Variants in DGKH observed in about 807,000 individuals in gnomAD.
The protein encoded by DGKH is diacylglycerol kinase eta.
A neutral mutation model predicts 159.3 loss-of-function variants in DGKH; 90 were observed. The ratio of observed to expected loss-of-function variants is 0.57; its 90% CI spans 0.48 to 0.67. The LOEUF (loss-of-function observed/expected upper bound fraction) is 0.67. DGKH is among the 30% of genes least tolerant of loss of function. The pLI is 0.00. For missense variants in DGKH, 1,181 were observed against 1,506.1 expected (o/e 0.78, Z 3.57); for synonymous variants, 536 against 553.8 (o/e 0.97, Z 0.45).
chr13:42,245,750 T>A (rs1958576178), downstream of DGKH, among the ~76,000 whole-genome samples: 1 of 152,006 alleles, frequency 6.6e-6, no homozygotes, highest in South Asian at 2.1e-4. Context: ...CACACCTGGC[T>A]AATTTTTTAA....
At chr13:42,193,430 C>T (rs1278160453) in intron 16 of DGKH, among the ~76,000 whole-genome samples, 7 of 152,248 alleles carry the variant, frequency 4.6e-5, no homozygotes, top group African/African-American at 1.4e-4. Context: ...AGTAATCTAA[C>T]TTGTTGGAAA....
At chr13:42,109,650 GCC>G (rs373869729) in intron 1 of DGKH, among the ~76,000 whole-genome samples, 1,657 of 40,536 alleles carry the variant, frequency 0.041, 15 homozygotes, top group African/African-American at 0.11. Flanking sequence ...GTGCGTGCGT[GCC>G]TGTGCGTGCG....
intron 2 of DGKH, 146 bp downstream of exon 2, chr13:42,127,719 C>A: frequency 1.6e-6 from 1 of 627,026 alleles, no homozygotes. Flanking sequence ...ATCGGTGACC[C>A]CATCCCAAGC....
At chr13:42,121,701 C>T (rs1223157724) in intron 1 of DGKH, among the ~76,000 whole-genome samples, 1 of 152,218 alleles carries the variant, frequency 6.6e-6, no homozygotes, top group Non-Finnish European at 1.5e-5. Context: ...TATTAGGCAA[C>T]TGGTATCCTT....
chr13:42,069,709 T>G, intron 1 of DGKH: 1 of 1,130,714 alleles, frequency 8.8e-7, no homozygotes, highest in Non-Finnish European at 1.3e-6. Flanking sequence ...GTTAACTTCA[T>G]TCTCTCTCCA....
At chr13:42,164,311 T>G (rs1312038651) in intron 7 of DGKH, among the ~76,000 whole-genome samples, 2 of 152,216 alleles carry the variant, frequency 1.3e-5, no homozygotes, top group Non-Finnish European at 2.9e-5. Flanking sequence ...TCTGTTTTGC[T>G]CCATGGTTCT....
intron 1 of DGKH, among the ~76,000 whole-genome samples, chr13:42,117,000 A>G (rs1409643826): frequency 6.6e-6 from 1 of 152,180 alleles, no homozygotes; most frequent in East Asian, 1.9e-4. Flanking sequence ...TGGAGTCTAT[A>G]TGGCTTTACT....
intron 1 of DGKH, among the ~76,000 whole-genome samples, chr13:42,118,111 G>A (rs1006849880): frequency 1.3e-5 from 2 of 152,076 alleles, no homozygotes; most frequent in Non-Finnish European, 2.9e-5. Flanking sequence ...CAGCTACTCG[G>A]GAGGCTGAGG....
At chr13:42,156,977 A>G (rs996329375) in intron 5 of DGKH, among the ~76,000 whole-genome samples, 12 of 152,222 alleles carry the variant, frequency 7.9e-5, no homozygotes, top group Non-Finnish European at 1.8e-4. Context: ...TGCCTCATAG[A>G]ATCACTATAA....
chr13:42,121,090 C>CACACACACACACAA (rs774730735), intron 1 of DGKH, among the ~76,000 whole-genome samples: 2 of 113,398 alleles, frequency 1.8e-5, no homozygotes, highest in Non-Finnish European at 2.1e-5. Context: ...CACACACACA[C>CACACACACACACAA]AACATGCGCA....
At chr13:42,092,364 T>C (rs1486188847) in intron 1 of DGKH, among the ~76,000 whole-genome samples, 1 of 151,996 alleles carries the variant, frequency 6.6e-6, no homozygotes, top group Non-Finnish European at 1.5e-5. Context: ...GATGGGTGGA[T>C]AAAAAATGTG....
At chr13:42,074,623 G>A (rs1412733930) in intron 1 of DGKH, among the ~76,000 whole-genome samples, 1 of 150,616 alleles carries the variant, frequency 6.6e-6, no homozygotes, top group Non-Finnish European at 1.5e-5. Context: ...ATCAAAACAG[G>A]CCACTGTCTG....
At chr13:42,057,667 T>C (rs1022985268) in intron 1 of DGKH, among the ~76,000 whole-genome samples, 1 of 152,200 alleles carries the variant, frequency 6.6e-6, no homozygotes, top group Non-Finnish European at 1.5e-5. Context: ...TTCCAAGTAC[T>C]GCTGTAGGTA....
At chr13:42,150,790 C>T (rs1955860079) in intron 3 of DGKH, among the ~76,000 whole-genome samples, 1 of 151,980 alleles carries the variant, frequency 6.6e-6, no homozygotes, top group South Asian at 2.1e-4. Context: ...GAATAATGGA[C>T]CCCCAAAGAT....
intron 1 of DGKH, chr13:42,071,006 C>G: frequency 7.7e-7 from 1 of 1,298,646 alleles, no homozygotes; most frequent in South Asian, 1.2e-5. Context: ...AAGTAATTGC[C>G]TCCACAACCC....
intron 29 of DGKH, among the ~76,000 whole-genome samples, chr13:42,248,043 A>G (rs1251256169): frequency 2.0e-5 from 3 of 152,162 alleles, no homozygotes; most frequent in Admixed American, 1.3e-4. Flanking sequence ...CAGTAGTGCA[A>G]AGTAATGCCC....
chr13:42,168,446 A>G lies in DGKH; in HGVS notation c.1125A>G (p.Arg375=). 1 of 1,613,694 alleles carries G rather than the reference A, an allele frequency of 6.2e-7. No homozygotes were observed. Among genetic ancestry groups the G allele is most frequent in the Non-Finnish European group, 8.5e-7 (1 of 1,179,812 alleles). Residue 375 remains arginine, a synonymous_variant, in exon 10 of 30, where the codon AGA becomes AGG. Coordinates refer to ENST00000337343, the MANE Select transcript of DGKH (RefSeq NM_178009.5). The part of the protein sequence containing the change: ...LMNGGPHLGL[R]LFQKFDNFRI... ...AAATCCTTTTTGCTTTCAGTTTAAG[A>G]TTATTTCAGAAGTTTGACAATTTCC...
upstream of DGKH, among the ~76,000 whole-genome samples, chr13:42,046,110 T>G (rs773865090): frequency 6.6e-6 from 1 of 152,370 alleles, no homozygotes; most frequent in South Asian, 2.1e-4. Flanking sequence ...GTTTGTCACA[T>G]GTTCTGAACA....
intron 1 of DGKH, among the ~76,000 whole-genome samples, chr13:42,115,303 T>C (rs1954943908): frequency 6.6e-6 from 1 of 152,254 alleles, no homozygotes; most frequent in African/African-American, 2.4e-5. Flanking sequence ...AACAAATTAG[T>C]TAACATGTAT....
Sources: allele counts gnomAD v4.1 joint callset (sites outside exome capture counted in the v4.1 genomes callset), GRCh38; gene constraint gnomAD v4.1.1; transcripts MANE v1.5; gene names NCBI Gene and HGNC (gene_info 2026-07-23, HGNC 2026-07-21).